The following GRB10 variants were observed in gnomAD, a reference collection of about 807,000 sequenced individuals.
GRB10 encodes growth factor receptor bound protein 10.
A neutral mutation model predicts 80.9 loss-of-function variants in GRB10; 20 were observed. The ratio of observed to expected loss-of-function variants is 0.25; its 90% CI spans 0.17 to 0.36. The LOEUF (loss-of-function observed/expected upper bound fraction) is 0.36, where lower values mean the gene tolerates loss of function less well. Among genes scored for constraint, GRB10 ranks in the 10% least tolerant of loss-of-function variants. The pLI is 1.00. For missense variants in GRB10, 548 were observed against 747.7 expected (o/e 0.73, Z 3.12); for synonymous variants, 291 against 291.5 (o/e 1.00, Z 0.02).
intron 2 of GRB10, among the ~76,000 whole-genome samples, chr7:50,767,925 G>T (rs1402082331): frequency 6.6e-6 from 1 of 152,194 alleles, no homozygotes; most frequent in Non-Finnish European, 1.5e-5. Context: ...AGTTGAGGAA[G>T]CAGCAGAAAC....
intron 17 of GRB10, among the ~76,000 whole-genome samples, chr7:50,603,067 T>C (rs1233489423): frequency 6.6e-6 from 1 of 152,226 alleles, no homozygotes; most frequent in Non-Finnish European, 1.5e-5. Flanking sequence ...TAAAACTTTT[T>C]GTAAAACGAA....
chr7:50,786,413 A>G (rs1372008478), upstream of GRB10, among the ~76,000 whole-genome samples: 1 of 152,232 alleles, frequency 6.6e-6, no homozygotes, highest in Non-Finnish European at 1.5e-5. Context: ...TGGAGACCCA[A>G]CAAGACTCAT....
At position 50,703,814 on chromosome 7, in the gene GRB10, T is replaced by C. The variant is rs570449344; in HGVS notation, c.139+7A>G. The C allele has an allele frequency of 6.2e-7, 1 of 1,609,680 alleles. No homozygotes were observed. The highest frequency in any genetic ancestry group is 1.1e-5 in the South Asian group (1 of 90,956). On this transcript the variant is annotated splice_region_variant and intron_variant, in intron 5 of 18. Coordinates refer to ENST00000401949, the MANE Select transcript of GRB10 (RefSeq NM_001350814.2). ...GGGAGTGTTCTTGTGTTTTGCTCAT[T>C]CCTTACCCTGGTGATTCGCAAGTCG... is the stretch of plus-strand genomic sequence containing the variant.
intron 7 of GRB10, among the ~76,000 whole-genome samples, chr7:50,627,950 G>C (rs2053259390): frequency 6.6e-6 from 1 of 152,160 alleles, no homozygotes; most frequent in Non-Finnish European, 1.5e-5. Context: ...TGGGCTCCCA[G>C]GCTGCCTTGC....
At chr7:50,709,005 C>T (rs1263139173) in intron 4 of GRB10, among the ~76,000 whole-genome samples, 4 of 152,154 alleles carry the variant, frequency 2.6e-5, no homozygotes, top group Admixed American at 2.0e-4. Flanking sequence ...AGCCCTTAAT[C>T]ACTATGCTCT....
chr7:50,754,143 C>T (rs760974868), intron 3 of GRB10, among the ~76,000 whole-genome samples: 8 of 152,194 alleles, frequency 5.3e-5, no homozygotes, highest in Non-Finnish European at 8.8e-5. Context: ...TCCTGAAGCT[C>T]GCACACCTGC....
intron 4 of GRB10, among the ~76,000 whole-genome samples, chr7:50,716,093 C>T (rs113910495): frequency 0.034 from 5,107 of 152,232 alleles, 283 homozygotes; most frequent in African/African-American, 0.12. Context: ...GGATTAATGA[C>T]GCATGCATGT....
chr7:50,730,828 C>G (rs41430449), intron 4 of GRB10, among the ~76,000 whole-genome samples: 9,471 of 152,200 alleles, frequency 0.062, 546 homozygotes, highest in Admixed American at 0.18. Flanking sequence ...ATTATCTGGC[C>G]CTAAAAGCCT....
intron 6 of GRB10, among the ~76,000 whole-genome samples, chr7:50,670,881 C>T (rs539723540): frequency 5.3e-5 from 8 of 152,288 alleles, no homozygotes; most frequent in African/African-American, 1.7e-4. Context: ...TAGAAACACA[C>T]CTTGGAAACA....
intron 5 of GRB10, among the ~76,000 whole-genome samples, chr7:50,680,677 T>A (rs757158917): frequency 1.3e-5 from 2 of 152,166 alleles, no homozygotes; most frequent in Non-Finnish European, 2.9e-5. Context: ...TAAACATATA[T>A]CCTGGGCATA....
chr7:50,688,793 G>T (rs978016214), intron 5 of GRB10, among the ~76,000 whole-genome samples: 11 of 152,062 alleles, frequency 7.2e-5, no homozygotes, highest in Admixed American at 6.5e-4. Flanking sequence ...GTGGGTGAGG[G>T]GGGGCAGAGG....
At chr7:50,635,962 C>CTTTTTTTTT (rs56411780) in intron 7 of GRB10, among the ~76,000 whole-genome samples, 11 of 71,012 alleles carry the variant, frequency 1.5e-4, no homozygotes, top group East Asian at 9.0e-4. Context: ...TTTTCCTTTC[C>CTTTTTTTTT]TTTTTTTTTT....
chr7:50,592,731 A>C lies in GRB10; in HGVS notation c.*221T>G. On this transcript the variant is annotated 3_prime_UTR_variant, in exon 19 of 19. Transcript: ENST00000401949. ...CGCTGGATCTTCCATGCCCTCCCCAATTTGGCCGATGCAGAGGGAGGCGAC... is the reference window on the plus strand; with the variant it reads ...CGCTGGATCTTCCATGCCCTCCCCACTTTGGCCGATGCAGAGGGAGGCGAC... 1 of 582,236 alleles carries C rather than the reference A, an allele frequency of 1.7e-6. No individual in the cohort carries two copies. The highest frequency in any genetic ancestry group is 3.1e-6 in the Non-Finnish European group (1 of 324,358). 36.1% of individuals were successfully genotyped at this position (582,236 alleles called of 1,614,324 possible).
chr7:50,681,633 T>C (rs184238849), intron 5 of GRB10, among the ~76,000 whole-genome samples: 3 of 152,352 alleles, frequency 2.0e-5, no homozygotes, highest in East Asian at 3.9e-4. Flanking sequence ...TATGAGCCTC[T>C]TTCCTCTGTG....
intron 4 of GRB10, among the ~76,000 whole-genome samples, chr7:50,708,751 C>T (rs1439062735): frequency 6.8e-6 from 1 of 147,932 alleles, no homozygotes; most frequent in East Asian, 2.0e-4. Flanking sequence ...TCTCGGCTCA[C>T]TGCAATCTCC....
chr7:50,774,346 T>C (rs2077356343), intron 2 of GRB10, among the ~76,000 whole-genome samples: 1 of 152,244 alleles, frequency 6.6e-6, no homozygotes, highest in Non-Finnish European at 1.5e-5. Flanking sequence ...GTGTGTTTAT[T>C]CATTTCTGCA....
chr7:50,599,343 G>A lies in GRB10; in HGVS notation c.1545-3813C>T, dbSNP rs530960337. Among the ~76,000 whole-genome samples, 12 of 152,290 alleles carry A rather than the reference G, an allele frequency of 7.9e-5. No homozygotes were observed. In the East Asian group the frequency reaches 2.1e-3, roughly 27 times the overall value. On this transcript the variant is annotated intron_variant, in intron 17 of 18. Transcript: ENST00000401949. Reference sequence around the variant, plus strand: ...TGTCCAGAATCTTGTGCTGTTTTTCGAGGTGGTTTTCTTTTCTTTGTTGTT... The same window carrying A: ...TGTCCAGAATCTTGTGCTGTTTTTCAAGGTGGTTTTCTTTTCTTTGTTGTT...
chr7:50,716,159 G>A (rs984041100), intron 4 of GRB10, among the ~76,000 whole-genome samples: 1 of 152,208 alleles, frequency 6.6e-6, no homozygotes, highest in Non-Finnish European at 1.5e-5. Flanking sequence ...AGAGCCATCT[G>A]GAGAGAAGCG....
intron 8 of GRB10, among the ~76,000 whole-genome samples, chr7:50,619,556 C>T (rs769665387): frequency 2.6e-5 from 4 of 152,010 alleles, no homozygotes; most frequent in South Asian, 2.1e-4. Flanking sequence ...GGAATGAGCC[C>T]GTAAGACTCT....
Sources: gnomAD v4.1 joint callset for allele counts (sites outside exome capture counted in the v4.1 genomes callset) on GRCh38, gnomAD v4.1.1 for gene constraint, MANE v1.5 for transcripts, NCBI Gene and HGNC (gene_info 2026-07-23, HGNC 2026-07-21) for gene names.